RBMS2: variants seen among roughly 807,000 people sequenced by gnomAD.
RBMS2 encodes RNA-binding motif, single-stranded-interacting protein 2.
A neutral mutation model predicts 58.4 loss-of-function variants in RBMS2; 38 were observed. The ratio of observed to expected loss-of-function variants is 0.65; its 90% CI spans 0.50 to 0.85. The LOEUF (loss-of-function observed/expected upper bound fraction) is 0.85, where lower values mean the gene tolerates loss of function less well. RBMS2 is among the 40% of genes least tolerant of loss of function. The pLI is 0.00. For synonymous variants in RBMS2, 151 were observed against 180.7 expected, an observed-to-expected ratio of 0.84 and a Z score of 1.32; for missense variants, 367 against 503.7, an observed-to-expected ratio of 0.73 and a Z score of 2.60.
At chr12:56,567,504 C>A (rs888252968) in intron 2 of RBMS2, among the ~76,000 whole-genome samples, 1 of 151,804 alleles carries the variant, frequency 6.6e-6, no homozygotes, top group African/African-American at 2.4e-5. Context: ...AGCCCTTTGG[C>A]CTTATCACCA....
intron 12 of RBMS2, 61 bp downstream of exon 12, chr12:56,588,435 CCT>C: frequency 7.0e-7 from 1 of 1,431,026 alleles, no homozygotes; most frequent in Non-Finnish European, 9.8e-7. Context: ...CAGGTTTCCC[CCT>C]GATCAAGATC....
intron 3 of RBMS2, among the ~76,000 whole-genome samples, chr12:56,569,601 TA>T (rs772409724): frequency 5.3e-5 from 8 of 151,988 alleles, no homozygotes; most frequent in Admixed American, 1.3e-4. Flanking sequence ...TTTAGAGGTG[TA>T]GGGGGGCTTT....
intron 4 of RBMS2, among the ~76,000 whole-genome samples, chr12:56,571,416 G>T (rs182941485): frequency 2.9e-4 from 44 of 152,270 alleles, no homozygotes; most frequent in African/African-American, 1.0e-3. Flanking sequence ...GGGGGAGAGC[G>T]GGAATGCTGC....
intron 1 of RBMS2, among the ~76,000 whole-genome samples, chr12:56,526,410 G>A (rs1872641092): frequency 6.6e-6 from 1 of 152,012 alleles, no homozygotes; most frequent in Non-Finnish European, 1.5e-5. Flanking sequence ...GTTTCCTGAG[G>A]AGCCCATGAC....
intron 9 of RBMS2, among the ~76,000 whole-genome samples, chr12:56,584,822 C>CTTT (rs373639334): frequency 3.1e-5 from 4 of 130,006 alleles, no homozygotes; most frequent in Non-Finnish European, 4.9e-5. Context: ...AACTTCTTGT[C>CTTT]TTTTTTTTTT....
chr12:56,589,006 CA>C lies in RBMS2; in HGVS notation c.1220del (p.Lys407SerfsTer13). 1 of 1,614,164 alleles carries C rather than the reference CA, an allele frequency of 6.2e-7. No homozygotes were observed. Among genetic ancestry groups the C allele is most frequent in the Non-Finnish European group, 8.5e-7 (1 of 1,180,026 alleles). Reference protein sequence around the residue: ...EHGVYSFQFNK With the variant: ...EHGVYSFQFNX ...ATGGGGTCTATTCTTTCCAGTTCAA[CA>C]AGTAACAGTGGGTAAGAACCACATG... On this transcript the variant is annotated frameshift_variant, in exon 13 of 14. Coordinates refer to ENST00000262031, the MANE Select transcript of RBMS2 (RefSeq NM_002898.4). LOFTEE classifies it high-confidence loss of function.
intron 2 of RBMS2, among the ~76,000 whole-genome samples, chr12:56,568,489 G>A (rs1881737200): frequency 6.6e-6 from 1 of 151,956 alleles, no homozygotes; most frequent in South Asian, 2.1e-4. Context: ...TACCTTTGGG[G>A]AGGATGGGTT....
chr12:56,569,055 G>A, intron 3 of RBMS2, 22 bp downstream of exon 3: 1 of 1,597,310 alleles, frequency 6.3e-7, no homozygotes, highest in South Asian at 1.1e-5. Flanking sequence ...ACTGTCCTTG[G>A]TGTTGGAGAG....
intron 1 of RBMS2, among the ~76,000 whole-genome samples, chr12:56,546,886 C>T (rs1465275883): frequency 6.6e-6 from 1 of 152,210 alleles, no homozygotes; most frequent in South Asian, 2.1e-4. Flanking sequence ...TCCAAAGCAG[C>T]TGCATCGTTT....
chr12:56,524,310 T>C (rs959709342), intron 1 of RBMS2, among the ~76,000 whole-genome samples: 9 of 152,338 alleles, frequency 5.9e-5, no homozygotes, highest in African/African-American at 2.2e-4. Flanking sequence ...GTCAATGTTA[T>C]GATCAGATGT....
At chr12:56,579,589 G>A (rs2958143) in intron 5 of RBMS2, among the ~76,000 whole-genome samples, 19,650 of 150,356 alleles carry the variant, frequency 0.13, 1,466 homozygotes, top group South Asian at 0.2. Flanking sequence ...AGCCGAGATC[G>A]CGCCACTGCA....
chr12:56,581,070 A>G (rs1883877073), intron 5 of RBMS2, 114 bp from the exon 6 acceptor site: 1 of 870,980 alleles, frequency 1.1e-6, no homozygotes, highest in South Asian at 1.4e-5. Flanking sequence ...TTCTGTAGTC[A>G]TAACATTTGG....
chr12:56,527,397 A>C (rs2136236185), intron 1 of RBMS2, among the ~76,000 whole-genome samples: 1 of 152,254 alleles, frequency 6.6e-6, no homozygotes, highest in East Asian at 1.9e-4. Context: ...GGATCACCTG[A>C]GGTCAGGAGT....
At chr12:56,574,923 C>T (rs186274520) in intron 5 of RBMS2, among the ~76,000 whole-genome samples, 38 of 152,192 alleles carry the variant, frequency 2.5e-4, no homozygotes, top group East Asian at 1.3e-3. Flanking sequence ...CCGAGGCGGG[C>T]GGATCATGAG....
intron 1 of RBMS2, among the ~76,000 whole-genome samples, chr12:56,558,503 C>T: frequency 6.7e-6 from 1 of 150,042 alleles, no homozygotes; most frequent in Non-Finnish European, 1.5e-5. Context: ...GTGCTTGGCA[C>T]ATAGTATGGT....
intron 1 of RBMS2, among the ~76,000 whole-genome samples, chr12:56,524,746 C>G (rs1185922150): frequency 6.6e-6 from 1 of 150,636 alleles, no homozygotes; most frequent in Non-Finnish European, 1.5e-5. Flanking sequence ...GAGATGGAGT[C>G]TTGCTCTGTC....
At chr12:56,536,626 G>A (rs903472627) in intron 1 of RBMS2, among the ~76,000 whole-genome samples, 8 of 150,690 alleles carry the variant, frequency 5.3e-5, no homozygotes, top group African/African-American at 1.7e-4. Context: ...GGAGTGCAGT[G>A]GCGTGATCTT....
chr12:56,580,630 A>T (rs978618829), intron 5 of RBMS2, among the ~76,000 whole-genome samples: 7 of 152,124 alleles, frequency 4.6e-5, no homozygotes, highest in Non-Finnish European at 8.8e-5. Context: ...CTCTTTCTCC[A>T]ACAAGAAACT....
chr12:56,567,085 G>A (rs538545338), intron 2 of RBMS2, among the ~76,000 whole-genome samples: 2 of 151,972 alleles, frequency 1.3e-5, no homozygotes, highest in East Asian at 3.9e-4. Flanking sequence ...ATTTTTACTG[G>A]ACAAAAATCT....
Sources: allele counts gnomAD v4.1 joint callset (sites outside exome capture counted in the v4.1 genomes callset), GRCh38; gene constraint gnomAD v4.1.1; transcripts MANE v1.5; gene names NCBI Gene and HGNC (gene_info 2026-07-23, HGNC 2026-07-21).